SCN10A: variants seen among roughly 807,000 people sequenced by gnomAD.
SCN10A encodes the protein sodium channel protein type 10 subunit alpha.
In SCN10A, 162 loss-of-function variants were observed where a neutral mutation model predicts 170.7. That is an observed-to-expected ratio of 0.95 (90% CI 0.84 to 1.08). The LOEUF is 1.08. SCN10A is among the 50% of genes least tolerant of loss of function. The pLI, the probability that SCN10A is intolerant of heterozygous loss-of-function variation, is 0.00. For synonymous variants in SCN10A, 985 were observed against 904.6 expected, an observed-to-expected ratio of 1.09 and a Z score of -1.59; for missense variants, 2,527 against 2,436.9, an observed-to-expected ratio of 1.04 and a Z score of -0.78.
At chr3:38,764,092 G>A (rs565908359) in intron 5 of SCN10A, among the ~76,000 whole-genome samples, 30 of 152,326 alleles carry the variant, frequency 2.0e-4, no homozygotes, top group Admixed American at 6.5e-4. Context: ...CTGAGATGAA[G>A]AACCTTCTTC....
At chr3:38,707,124 C>T (rs1272971515) in intron 26 of SCN10A, among the ~76,000 whole-genome samples, 155 bp downstream of exon 26, 1 of 152,134 alleles carries the variant, frequency 6.6e-6, no homozygotes, top group East Asian at 1.9e-4. Flanking sequence ...CTTCTCATTC[C>T]TTGGGCCTAG....
rs988575222 is a variant in SCN10A, at chr3:38,697,876, G to T, written c.5344C>A (p.Arg1782=). 4 of 1,613,926 alleles carry T rather than the reference G, an allele frequency of 2.5e-6. No individual in the cohort carries two copies. Among genetic ancestry groups the T allele is most frequent in the African/African-American group, 1.3e-5 (1 of 74,876 alleles). ...AGGTCCATCTGGATCAGTATATTTC[G>T]ATTGGGTTTTGGGATTCTCAGGGGA... is the stretch of plus-strand genomic sequence containing the variant. ...SGPLRIPKPN[R]NILIQMDLPL... is the part of the protein sequence containing the mutation. Residue 1782 remains arginine (R), a synonymous_variant, in exon 28 of 28, where the codon CGA becomes AGA. Transcript: ENST00000449082.
chr3:38,748,498 G>T (rs2063715213), intron 13 of SCN10A, among the ~76,000 whole-genome samples: 1 of 152,176 alleles, frequency 6.6e-6, no homozygotes, highest in Admixed American at 6.5e-5. Flanking sequence ...ATCTGAGTCT[G>T]TGTCTGAGTT....
intron 3 of SCN10A, among the ~76,000 whole-genome samples, chr3:38,789,633 T>A (rs2064255009): frequency 6.6e-6 from 1 of 151,960 alleles, no homozygotes; most frequent in Non-Finnish European, 1.5e-5. Flanking sequence ...GTAGGAACGG[T>A]GGAGGCAGGC....
At chr3:38,773,836 G>T (rs1443621351) in intron 4 of SCN10A, among the ~76,000 whole-genome samples, 1 of 152,084 alleles carries the variant, frequency 6.6e-6, no homozygotes, top group African/African-American at 2.4e-5. Context: ...TGTGGATGTG[G>T]CCTTAAGTTT....
chr3:38,793,182 A>T (rs2064306110), intron 2 of SCN10A, among the ~76,000 whole-genome samples: 2 of 152,156 alleles, frequency 1.3e-5, no homozygotes, highest in Admixed American at 6.6e-5. Flanking sequence ...GAGTGATGAC[A>T]TCATCCCCCA....
At chr3:38,764,020 C>T (rs764298538) in intron 5 of SCN10A, among the ~76,000 whole-genome samples, 5 of 152,128 alleles carry the variant, frequency 3.3e-5, no homozygotes, top group African/African-American at 9.7e-5. Flanking sequence ...GGAAAGCAAC[C>T]CCCGAAGCGG....
rs755948736 is a variant in SCN10A at position 38,712,144 on chromosome 3, T to C, written c.4089+17A>G. Reference sequence around the variant, plus strand: ...CGGCCAAAGCAAGAGATATGGTTGATCTCATGGTTGACTCACCACCTGCAG... The same window carrying C: ...CGGCCAAAGCAAGAGATATGGTTGACCTCATGGTTGACTCACCACCTGCAG... On this transcript the variant is annotated intron_variant, in intron 23 of 27. Transcript: ENST00000449082. 7 of 1,612,366 alleles carry C rather than the reference T, an allele frequency of 4.3e-6. No homozygotes were observed. In the East Asian group the frequency reaches 1.6e-4, roughly 36 times the overall value.
intron 15 of SCN10A, among the ~76,000 whole-genome samples, chr3:38,730,400 T>G (rs1445730934): frequency 6.6e-6 from 1 of 152,220 alleles, no homozygotes; most frequent in Non-Finnish European, 1.5e-5. Context: ...TGCAAATACC[T>G]CTGGAGGAAC....
At chr3:38,720,946 G>A (rs991058679) in intron 20 of SCN10A, among the ~76,000 whole-genome samples, 14 of 152,180 alleles carry the variant, frequency 9.2e-5, no homozygotes, top group Admixed American at 6.5e-5. Context: ...GCTGAGGTCC[G>A]TGTGGACAAT....
chr3:38,724,912 C>T (rs2063435934), intron 18 of SCN10A, among the ~76,000 whole-genome samples: 1 of 152,174 alleles, frequency 6.6e-6, no homozygotes, highest in Admixed American at 6.5e-5. Flanking sequence ...GGTCCCACAG[C>T]TTGTGGAGTC....
chr3:38,788,495 T>C (rs981295576), intron 4 of SCN10A, among the ~76,000 whole-genome samples: 3 of 152,184 alleles, frequency 2.0e-5, no homozygotes, highest in Admixed American at 6.5e-5. Context: ...TCCAGAGCCA[T>C]TTGTTCTTAG....
At chr3:38,742,238 C>A in intron 14 of SCN10A, 53 bp downstream of exon 14, 42 of 1,081,296 alleles carry the variant, frequency 3.9e-5, no homozygotes, top group East Asian at 5.3e-5. Flanking sequence ...CTGCCATCAT[C>A]CCCACCCCGC....
chr3:38,735,662 A>G (rs2063553079), intron 15 of SCN10A, among the ~76,000 whole-genome samples: 1 of 152,224 alleles, frequency 6.6e-6, no homozygotes, highest in Non-Finnish European at 1.5e-5. Context: ...ACAGACACAG[A>G]TATATTTAAA....
At chr3:38,788,136 CTA>C (rs1449640229) in intron 4 of SCN10A, among the ~76,000 whole-genome samples, 18 of 144,962 alleles carry the variant, frequency 1.2e-4, no homozygotes, top group African/African-American at 4.4e-4. Flanking sequence ...ATTAAGAAGA[CTA>C]TGTGATCCTT....
At chr3:38,761,503 AG>A in intron 6 of SCN10A, 120 bp from the exon 7 acceptor site, 1 of 769,298 alleles carries the variant, frequency 1.3e-6, no homozygotes, top group Non-Finnish European at 2.0e-6. Flanking sequence ...TACACACTCC[AG>A]GGCAGTTCCA....
intron 20 of SCN10A, among the ~76,000 whole-genome samples, chr3:38,721,962 G>A (rs1219856667): frequency 2.6e-5 from 4 of 152,340 alleles, no homozygotes; most frequent in African/African-American, 9.6e-5. Context: ...CCTTGGACAA[G>A]CCTTTTAAAC....
intron 21 of SCN10A, among the ~76,000 whole-genome samples, chr3:38,716,157 G>A (rs1477296345): frequency 6.6e-6 from 1 of 152,138 alleles, no homozygotes. Context: ...GGGTAACTAT[G>A]TGAGATGATG....
intron 1 of SCN10A, among the ~76,000 whole-genome samples, chr3:38,803,901 A>C (rs1341057635): frequency 6.6e-6 from 1 of 152,126 alleles, no homozygotes; most frequent in Non-Finnish European, 1.5e-5. Context: ...TCTAATTCTC[A>C]TCACAGCCAC....
Sources: gnomAD v4.1 joint callset for allele counts (sites outside exome capture counted in the v4.1 genomes callset) on GRCh38, gnomAD v4.1.1 for gene constraint, MANE v1.5 for transcripts, NCBI Gene and HGNC (gene_info 2026-07-23, HGNC 2026-07-21) for gene names.